MACF1: variants seen among roughly 807,000 people sequenced by gnomAD.
MACF1 encodes microtubule-actin cross-linking factor 1.
In MACF1, 193 loss-of-function variants were observed where a neutral mutation model predicts 854.8. The ratio of observed to expected loss-of-function variants is 0.23; its 90% CI spans 0.20 to 0.25. MACF1 has a LOEUF of 0.25. MACF1 is among the 10% of genes least tolerant of loss of function. The pLI is 1.00. For synonymous variants in MACF1, 3,185 were observed against 3,226.7 expected (o/e 0.99, Z 0.44); for missense variants, 7,722 against 8,929.1 (o/e 0.86, Z 5.45).
Position 39,332,250 on chromosome 1 carries a change from G to A in MACF1, c.5662G>A (p.Ala1888Thr). The change falls in exon 37 of 101, where the codon GCT becomes ACT. Residue 1888 changes from alanine to threonine, a missense_variant. Transcript: ENST00000564288. Reference protein sequence around the residue: ...KILSNRQHIKALFLPATTEIL... With the variant: ...KILSNRQHIKTLFLPATTEIL... ...CCTTAGTAACCGACAGCATATTAAG[G>A]CTCTGTTTCTACCAGCAACCACAGA... 6.2e-7 allele frequency: 1 copy of A among 1,613,916 alleles called. No homozygotes were observed. Among genetic ancestry groups the A allele is most frequent in the Non-Finnish European group, 8.5e-7 (1 of 1,180,014 alleles).
At chr1:39,115,451 C>T (rs906746772) in intron 2 of MACF1, among the ~76,000 whole-genome samples, 1 of 151,808 alleles carries the variant, frequency 6.6e-6, no homozygotes. Context: ...GTGGGTGGGT[C>T]GTGTCATGAA....
At chr1:39,294,244 A>G (rs1366199984) in intron 18 of MACF1, among the ~76,000 whole-genome samples, 1 of 152,258 alleles carries the variant, frequency 6.6e-6, no homozygotes, top group Non-Finnish European at 1.5e-5. Context: ...AACATTGGAC[A>G]ATAGGACACT....
intron 65 of MACF1, among the ~76,000 whole-genome samples, 179 bp from the exon 66 acceptor site, chr1:39,430,523 T>C (rs1038599516): frequency 1.3e-5 from 2 of 152,054 alleles, no homozygotes; most frequent in South Asian, 2.1e-4. Context: ...CAAGCAACAA[T>C]GAAGTCTAAA....
chr1:39,432,931 G>C, intron 67 of MACF1, 117 bp from the exon 68 acceptor site: 1 of 657,616 alleles, frequency 1.5e-6, no homozygotes, highest in South Asian at 2.4e-5. Context: ...GATAGGCAAA[G>C]TGTCAAACTG....
At position 39,322,106 on chromosome 1, in the gene MACF1, A is replaced by T. The variant is rs1646526176; in HGVS notation, c.4030-502A>T. 2.0e-5 allele frequency among the ~76,000 whole-genome samples: 3 copies of T among 152,192 alleles called. No individual in the cohort carries two copies. In the South Asian group the frequency reaches 6.2e-4, roughly 31 times the overall value. On this transcript the variant is annotated intron_variant, in intron 31 of 100. Transcript: ENST00000564288. ...CAGGGATTAGAAATCTAAGATTCTA[A>T]TCCTAACTCTGTTAACACTTACCCA...
intron 95 of MACF1, 34 bp from the exon 96 acceptor site, chr1:39,468,581 A>G: frequency 1.3e-6 from 2 of 1,512,882 alleles, no homozygotes. Context: ...GCTTTAAGAC[A>G]TATATATTAA....
intron 2 of MACF1, among the ~76,000 whole-genome samples, chr1:39,111,434 G>A (rs930615412): frequency 2.0e-5 from 3 of 151,930 alleles, no homozygotes; most frequent in African/African-American, 7.3e-5. Flanking sequence ...CCAGGCTGGA[G>A]TGCAGTGGTG....
intron 6 of MACF1, among the ~76,000 whole-genome samples, chr1:39,258,267 T>G (rs1400817862): frequency 6.6e-6 from 1 of 152,228 alleles, no homozygotes; most frequent in East Asian, 1.9e-4. Context: ...CATTTGTGGT[T>G]TGGCCCTGTC....
chr1:39,480,829 C>T, intron 98 of MACF1, 91 bp from the exon 99 acceptor site: 1 of 684,924 alleles, frequency 1.5e-6, no homozygotes. Context: ...AATTTAGTAT[C>T]TTCTATTTAT....
intron 6 of MACF1, among the ~76,000 whole-genome samples, chr1:39,276,804 A>G (rs534112436): frequency 6.6e-6 from 1 of 152,186 alleles, no homozygotes; most frequent in Admixed American, 6.5e-5. Context: ...GAAAAGAGAT[A>G]TTCTCTTTAT....
At chr1:39,148,006 T>G (rs1643503509) in intron 2 of MACF1, among the ~76,000 whole-genome samples, 1 of 152,202 alleles carries the variant, frequency 6.6e-6, no homozygotes, top group African/African-American at 2.4e-5. Context: ...CAAATGCTTG[T>G]TCATACTGTA....
At chr1:39,330,882 A>G (rs973520901) in intron 36 of MACF1, among the ~76,000 whole-genome samples, 10 of 149,690 alleles carry the variant, frequency 6.7e-5, no homozygotes, top group African/African-American at 2.0e-4. Context: ...GCTCACTACA[A>G]CCTCCACCTC....
At chr1:39,386,143 C>G (rs1641765695) in intron 57 of MACF1, among the ~76,000 whole-genome samples, 1 of 151,934 alleles carries the variant, frequency 6.6e-6, no homozygotes, top group African/African-American at 2.4e-5. Flanking sequence ...TAGCATAGTC[C>G]TAAAGATAAA....
At chr1:39,436,398 G>C in intron 70 of MACF1, 2 of 1,431,664 alleles carry the variant, frequency 1.4e-6, no homozygotes, top group Non-Finnish European at 2.0e-6. Context: ...TGTGGAATGT[G>C]TTACTTTGTG....
At chr1:39,306,663 G>T (rs1160000344) in intron 23 of MACF1, among the ~76,000 whole-genome samples, 1 of 139,026 alleles carries the variant, frequency 7.2e-6, no homozygotes, top group African/African-American at 2.7e-5. Context: ...GATTCAGTCA[G>T]TACTGTCTCT....
intron 2 of MACF1, among the ~76,000 whole-genome samples, chr1:39,098,091 G>A (rs1283637659): frequency 6.6e-6 from 1 of 152,208 alleles, no homozygotes; most frequent in East Asian, 1.9e-4. Context: ...CTCAGAGCAG[G>A]AAGAGAGATT....
At chr1:39,169,282 G>A (rs953589663) in intron 2 of MACF1, among the ~76,000 whole-genome samples, 2 of 152,048 alleles carry the variant, frequency 1.3e-5, no homozygotes, top group Non-Finnish European at 2.9e-5. Flanking sequence ...TCCTATTACT[G>A]AAAGTCTAAA....
At chr1:39,434,811 T>C (rs1348654002) in intron 69 of MACF1, among the ~76,000 whole-genome samples, 179 bp downstream of exon 69, 4 of 152,228 alleles carry the variant, frequency 2.6e-5, no homozygotes, top group African/African-American at 9.6e-5. Flanking sequence ...TTAATATCAA[T>C]TGATTAAACA....
intron 74 of MACF1, 38 bp from the exon 75 acceptor site, chr1:39,441,914 C>A (rs778064283): frequency 1.3e-5 from 19 of 1,466,138 alleles, no homozygotes; most frequent in African/African-American, 2.8e-5. Flanking sequence ...CCAAATTCTT[C>A]TGGTTGTTTT....
Sources: gnomAD v4.1 joint callset for allele counts (sites outside exome capture counted in the v4.1 genomes callset) on GRCh38, gnomAD v4.1.1 for gene constraint, MANE v1.5 for transcripts, NCBI Gene and HGNC (gene_info 2026-07-23, HGNC 2026-07-21) for gene names.